The following SH3BP2 variants were observed in gnomAD, a reference collection of about 807,000 sequenced individuals.
SH3BP2 encodes the protein SH3 domain binding protein 2, also known as SH3 domain-binding protein 2.
In SH3BP2, 38 loss-of-function variants were observed where a neutral mutation model predicts 56.2. The ratio of observed to expected loss-of-function variants is 0.68; its 90% CI spans 0.52 to 0.89. The LOEUF (loss-of-function observed/expected upper bound fraction) is 0.89. Among genes scored for constraint, SH3BP2 ranks in the 40% least tolerant of loss-of-function variants. SH3BP2 has a pLI of 0.00. For synonymous variants in SH3BP2, 346 were observed against 316.7 expected, an observed-to-expected ratio of 1.09 and a Z score of -0.98; for missense variants, 748 against 762.6, an observed-to-expected ratio of 0.98 and a Z score of 0.23.
At position 2,838,512 on chromosome 4, in the gene SH3BP2, A is replaced by G. The variant is rs1202196718; in HGVS notation, c.*4678A>G. 6.6e-6 allele frequency: 1 copy of G among 152,218 alleles called. No individual in the cohort carries two copies. The highest frequency in any genetic ancestry group is 1.5e-5 in the Non-Finnish European group (1 of 68,046). The allele number at this position is 152,218 out of a possible 1,614,324, so 9.4% of individuals were successfully genotyped here. A position where few individuals can be genotyped will look rare whatever the true frequency, so the allele number is the denominator to read the frequency against. On this transcript the variant is annotated 3_prime_UTR_variant, in exon 13 of 13. Transcript: ENST00000503393. ...CTAAAAACTTCCATTGTTTGGCTGT[A>G]TCGTAGTTCACAGATTCATTTCACT...
intron 1 of SH3BP2, among the ~76,000 whole-genome samples, chr4:2,798,064 C>A (rs942579815): frequency 1.5e-4 from 23 of 152,288 alleles, no homozygotes; most frequent in Admixed American, 1.5e-3. Flanking sequence ...CCTCCCTTCC[C>A]CCTGCGGGCT....
At chr4:2,812,318 C>T in intron 1 of SH3BP2, 1 of 1,549,444 alleles carries the variant, frequency 6.5e-7, no homozygotes, top group East Asian at 2.4e-5. Flanking sequence ...GCTGTGGGCA[C>T]AGCTGTGGGG....
At chr4:2,811,394 G>A (rs1246004853) in intron 1 of SH3BP2, among the ~76,000 whole-genome samples, 2 of 152,336 alleles carry the variant, frequency 1.3e-5, no homozygotes, top group South Asian at 2.1e-4. Flanking sequence ...CTGTGAGGGT[G>A]GCCCCAGGCC....
At chr4:2,808,359 A>G (rs1210468282) in intron 1 of SH3BP2, among the ~76,000 whole-genome samples, 3 of 152,162 alleles carry the variant, frequency 2.0e-5, no homozygotes, top group East Asian at 3.8e-4. Flanking sequence ...CACTTGGTCA[A>G]TCCAGGATGT....
rs1725260126 is a variant in SH3BP2 at position 2,837,102 on chromosome 4, T to C, written c.*3268T>C. ...ACTCTGTCGCCCAGGCTAGAGTGGA[T>C]TGGCGTGATCTCGGCTCAATGCAAA... On this transcript the variant is annotated 3_prime_UTR_variant, in exon 13 of 13. Transcript: ENST00000503393. 1 of 152,172 alleles carries C rather than the reference T, an allele frequency of 6.6e-6. No individual in the cohort carries two copies. The highest frequency in any genetic ancestry group is 2.4e-5 in the African/African-American group (1 of 41,438). 9.4% of individuals were successfully genotyped at this position (152,172 alleles called of 1,614,324 possible). A position where few individuals can be genotyped will look rare whatever the true frequency, so the allele number is the denominator to read the frequency against.
intron 2 of SH3BP2, among the ~76,000 whole-genome samples, chr4:2,822,522 A>G (rs952867325): frequency 1.3e-5 from 2 of 152,208 alleles, no homozygotes; most frequent in African/African-American, 4.8e-5. Flanking sequence ...GGCGTGAGCC[A>G]CTGCACCCGG....
At chr4:2,821,909 C>T (rs1031854463) in intron 2 of SH3BP2, among the ~76,000 whole-genome samples, 2 of 151,602 alleles carry the variant, frequency 1.3e-5, no homozygotes, top group Admixed American at 6.6e-5. Context: ...GCTCTGTTGC[C>T]CAGGCTGGAG....
chr4:2,804,940 A>G (rs992009165), intron 1 of SH3BP2, among the ~76,000 whole-genome samples: 1 of 152,220 alleles, frequency 6.6e-6, no homozygotes, highest in Non-Finnish European at 1.5e-5. Flanking sequence ...GCAGTTGGCG[A>G]TGGAGCGGGC....
chr4:2,820,504 C>T, intron 1 of SH3BP2, 110 bp from the exon 2 acceptor site: 1 of 1,408,382 alleles, frequency 7.1e-7, no homozygotes, highest in African/African-American at 1.4e-5. Context: ...TGTCATGGCC[C>T]TACCCTCCAA....
At chr4:2,805,372 C>T (rs1472970851) in intron 1 of SH3BP2, among the ~76,000 whole-genome samples, 1 of 152,102 alleles carries the variant, frequency 6.6e-6, no homozygotes, top group Non-Finnish European at 1.5e-5. Context: ...CCCTGGAGTG[C>T]CCCCCTCCTG....
chr4:2,823,112 C>G, intron 3 of SH3BP2, 75 bp downstream of exon 3: 1 of 1,081,682 alleles, frequency 9.2e-7, no homozygotes, highest in African/African-American at 1.5e-5. Flanking sequence ...CCCAGCTGGG[C>G]CTGCCCCTTA....
intron 1 of SH3BP2, among the ~76,000 whole-genome samples, chr4:2,794,437 CCCACTCCAGGCACT>C (rs1364314923): frequency 2.6e-5 from 4 of 151,168 alleles, no homozygotes; most frequent in Non-Finnish European, 4.4e-5. Context: ...ACCTCAGGGC[CCCACTCCAGGCACT>C]CCACTCCTGG....
At chr4:2,826,492 G>T (rs1311673866) in intron 5 of SH3BP2, 2 of 244,126 alleles carry the variant, frequency 8.2e-6, no homozygotes, top group East Asian at 2.5e-4. Flanking sequence ...GTTTGTGTGT[G>T]CATGTCTGCG....
At chr4:2,819,749 A>T (rs1724199521) in intron 1 of SH3BP2, among the ~76,000 whole-genome samples, 1 of 152,086 alleles carries the variant, frequency 6.6e-6, no homozygotes, top group Non-Finnish European at 1.5e-5. Context: ...CTGGGTCTTG[A>T]TGGATGAGTA....
chr4:2,807,290 A>G lies in SH3BP2; in HGVS notation c.-4-13324A>G, dbSNP rs368241851. ...AGAGTCCAATTAGCGCTAAGTCACAATTTTTTCACTCTGAGCTCTGAAGGA... is the reference window on the plus strand; with the variant it reads ...AGAGTCCAATTAGCGCTAAGTCACAGTTTTTTCACTCTGAGCTCTGAAGGA... On this transcript the variant is annotated intron_variant, in intron 1 of 12. Coordinates refer to ENST00000503393, the MANE Select transcript of SH3BP2 (RefSeq NM_001122681.2). Among the ~76,000 whole-genome samples the G allele has an allele frequency of 5.3e-5, 8 of 151,938 alleles. No homozygotes were observed. The East Asian group carries it at 5.8e-4, about 11-fold the overall frequency.
At chr4:2,794,560 C>CTGGCT in intron 1 of SH3BP2, among the ~76,000 whole-genome samples, 1 of 152,362 alleles carries the variant, frequency 6.6e-6, no homozygotes, top group East Asian at 1.9e-4. Flanking sequence ...GGCTCTGTGC[C>CTGGCT]CTGCGTTAGG....
intron 1 of SH3BP2, among the ~76,000 whole-genome samples, chr4:2,806,770 A>G (rs1465544990): frequency 6.6e-6 from 1 of 152,206 alleles, no homozygotes; most frequent in African/African-American, 2.4e-5. Context: ...CCCGACTCCC[A>G]TGCCCATCTC....
At chr4:2,799,500 C>G (rs1399180727) in intron 1 of SH3BP2, among the ~76,000 whole-genome samples, 2 of 152,156 alleles carry the variant, frequency 1.3e-5, no homozygotes, top group Non-Finnish European at 2.9e-5. Context: ...GTGGCTGTGC[C>G]TGCCTCTGGG....
intron 3 of SH3BP2, 70 bp from the exon 4 acceptor site, chr4:2,824,541 CAG>C (rs757159480): frequency 8.7e-6 from 10 of 1,145,852 alleles, no homozygotes; most frequent in African/African-American, 3.0e-5. Context: ...GACGTGTTCA[CAG>C]GGGGGTGCTG....
Sources: allele counts gnomAD v4.1 joint callset (sites outside exome capture counted in the v4.1 genomes callset), GRCh38; gene constraint gnomAD v4.1.1; transcripts MANE v1.5; gene names NCBI Gene and HGNC (gene_info 2026-07-23, HGNC 2026-07-21).